BPTF: variants seen among roughly 807,000 people sequenced by gnomAD.
BPTF encodes nucleosome-remodeling factor subunit BPTF.
A neutral mutation model predicts 292.5 loss-of-function variants in BPTF; 18 were observed. That is an observed-to-expected ratio of 0.06 (90% CI 0.04 to 0.09). The LOEUF is 0.09. Among genes scored for constraint, BPTF ranks in the 10% least tolerant of loss-of-function variants. The probability of loss-of-function intolerance (pLI) is 1.00; values close to 1 mark genes in which losing one functional copy is unlikely to be tolerated. For missense variants in BPTF, 2,726 were observed against 3,498.7 expected (o/e 0.78, Z 5.57); for synonymous variants, 1,225 against 1,251.9 (o/e 0.98, Z 0.45).
intron 3 of BPTF, among the ~76,000 whole-genome samples, chr17:67,872,971 C>T (rs903661655): frequency 4.6e-5 from 7 of 152,092 alleles, no homozygotes; most frequent in Admixed American, 1.3e-4. Context: ...CCTATAGTTC[C>T]ATCTACTCGG....
intron 2 of BPTF, among the ~76,000 whole-genome samples, chr17:67,862,768 A>T (rs1490566881): frequency 6.6e-6 from 1 of 152,074 alleles, no homozygotes; most frequent in East Asian, 1.9e-4. Context: ...CAAAGGTGTC[A>T]GCAGGGCCAT....
In BPTF at chr17:67,982,368, T is replaced by C; in HGVS notation, c.*80T>C. 7.4e-7 allele frequency: 1 copy of C among 1,350,236 alleles called. No homozygotes were observed. The allele number at this position is 1,350,236 out of a possible 1,614,324, so 83.6% of individuals were successfully genotyped here. A position where few individuals can be genotyped will look rare whatever the true frequency, so the allele number is the denominator to read the frequency against. On this transcript the variant is annotated 3_prime_UTR_variant, in exon 28 of 28. Transcript: ENST00000306378. ...ATTTTAAATTAAGGAGCCAGATGTT[T>C]TTAGTCAGGCTATCCTGACAAGACT...
chr17:67,839,679 T>C (rs755088532), intron 1 of BPTF, among the ~76,000 whole-genome samples: 6 of 152,236 alleles, frequency 3.9e-5, no homozygotes, highest in Non-Finnish European at 8.8e-5. Flanking sequence ...TGTATCACAG[T>C]GCATTTATCC....
intron 24 of BPTF, among the ~76,000 whole-genome samples, chr17:67,961,325 A>G (rs566788723): frequency 7.6e-4 from 116 of 152,258 alleles, no homozygotes; most frequent in African/African-American, 2.7e-3. Context: ...TACCAGGTTC[A>G]TTCACTCCCT....
In BPTF at chr17:67,854,666, C is replaced by T. The variant is rs778226418; in HGVS notation, c.1340C>T (p.Ala447Val). The change falls in exon 2 of 28, where the codon GCT becomes GTT. Residue 447 changes from alanine to valine, a missense_variant. Physicochemically the swap from Ala to Val is moderately conservative, Grantham distance 64. Coordinates refer to ENST00000306378, the MANE Select transcript of BPTF (RefSeq NM_182641.4). This position sits in a 1 kb window ranked among gnomAD's most constrained non-coding sequence, Gnocchi z 5.6. ...HKVPGVTDCV[A>V]EIQKNKPYIR... Reference sequence around the variant, plus strand: ...GTGCCTGGTGTGACTGACTGTGTTGCTGAAATCCAAAAAAATAAACCATAT... The same window carrying T: ...GTGCCTGGTGTGACTGACTGTGTTGTTGAAATCCAAAAAAATAAACCATAT... 1 of 1,613,964 alleles carries T rather than the reference C, an allele frequency of 6.2e-7. No individual in the cohort carries two copies. Among genetic ancestry groups the T allele is most frequent in the Non-Finnish European group, 8.5e-7 (1 of 1,180,038 alleles).
intron 7 of BPTF, among the ~76,000 whole-genome samples, chr17:67,899,453 A>G (rs1212511326): frequency 2.0e-5 from 3 of 151,992 alleles, no homozygotes; most frequent in East Asian, 1.9e-4. Flanking sequence ...AGACAAGTTT[A>G]TATTTTCCTG....
At chr17:67,940,766 G>A in intron 19 of BPTF, 110 bp downstream of exon 19, 1 of 1,234,328 alleles carries the variant, frequency 8.1e-7, no homozygotes, top group Non-Finnish European at 1.1e-6. Flanking sequence ...CTGATTTGAA[G>A]AAATGGTTGC....
chr17:67,935,409 CAG>C (rs2064831206), intron 18 of BPTF, among the ~76,000 whole-genome samples: 1 of 151,644 alleles, frequency 6.6e-6, no homozygotes, highest in South Asian at 2.1e-4. Flanking sequence ...GCCTGGGTGA[CAG>C]AGTGAAACCC....
At chr17:67,939,347 C>T (rs959205954) in intron 18 of BPTF, among the ~76,000 whole-genome samples, 3 of 152,000 alleles carry the variant, frequency 2.0e-5, no homozygotes, top group Non-Finnish European at 2.9e-5. Context: ...AAAAAGGCAG[C>T]GAGTAAATAT....
intron 2 of BPTF, among the ~76,000 whole-genome samples, chr17:67,862,357 G>C (rs1048107208): frequency 1.3e-5 from 2 of 152,196 alleles, no homozygotes; most frequent in African/African-American, 4.8e-5. Context: ...TACCCATGAA[G>C]TGCTGGTACT....
At chr17:67,831,914 CAG>C (rs2056716551) in intron 1 of BPTF, among the ~76,000 whole-genome samples, 1 of 152,080 alleles carries the variant, frequency 6.6e-6, no homozygotes, top group Admixed American at 6.6e-5. Flanking sequence ...ATTTATGAGA[CAG>C]AGTCTCACTC....
intron 1 of BPTF, among the ~76,000 whole-genome samples, chr17:67,828,591 C>T (rs1189379746): frequency 1.3e-5 from 2 of 152,144 alleles, no homozygotes; most frequent in African/African-American, 4.8e-5. Flanking sequence ...TGCAATGGCA[C>T]AATCTTGGCT....
At chr17:67,856,344 T>C (rs184081923) in intron 2 of BPTF, among the ~76,000 whole-genome samples, 376 of 149,190 alleles carry the variant, frequency 2.5e-3, no homozygotes, top group Non-Finnish European at 3.2e-3. Flanking sequence ...TTTCTGTGTC[T>C]TGGATATAGT....
At chr17:67,950,713 G>T (rs1339335247) in intron 23 of BPTF, among the ~76,000 whole-genome samples, 2 of 151,598 alleles carry the variant, frequency 1.3e-5, no homozygotes, top group African/African-American at 4.8e-5. Flanking sequence ...GGTGGTGGGT[G>T]CCTGTAGTCC....
chr17:67,875,746 T>C (rs1242335530), intron 4 of BPTF: 1 of 1,568,572 alleles, frequency 6.4e-7, no homozygotes, highest in Non-Finnish European at 8.6e-7. Context: ...ATGTGCCAGG[T>C]ACAGAGGGCA....
chr17:67,959,362 A>G lies in BPTF; in HGVS notation c.7927-179A>G, dbSNP rs114854891. The stretch of plus-strand genomic sequence containing the variant: ...CTTACCTAGTCTTCATTTTGTTTCT[A>G]GTTGTCTTAGTTGGGTTTAAGATAT... On this transcript the variant is annotated intron_variant, in intron 23 of 27. Coordinates refer to ENST00000306378, the MANE Select transcript of BPTF (RefSeq NM_182641.4). 7.5e-3 allele frequency among the ~76,000 whole-genome samples: 1,138 copies of G among 152,262 alleles called. 16 individuals are homozygous for G. Among genetic ancestry groups the G allele is most frequent in the African/African-American group, 0.022 (921 of 41,536 alleles).
At chr17:67,861,202 G>A (rs1403792361) in intron 2 of BPTF, among the ~76,000 whole-genome samples, 1 of 152,130 alleles carries the variant, frequency 6.6e-6, no homozygotes, top group Admixed American at 6.5e-5. Context: ...TGTTTGCTAT[G>A]CCTTTAAAAT....
chr17:67,972,031 A>T (rs1410373481), intron 26 of BPTF, among the ~76,000 whole-genome samples: 1 of 152,138 alleles, frequency 6.6e-6, no homozygotes, highest in Non-Finnish European at 1.5e-5. Flanking sequence ...CAGATGTTAC[A>T]GAGATGTAAA....
chr17:67,950,400 GTTA>G (rs1269005022), intron 23 of BPTF, among the ~76,000 whole-genome samples: 6 of 152,052 alleles, frequency 3.9e-5, no homozygotes, highest in African/African-American at 1.4e-4. Context: ...AACAATCAAC[GTTA>G]TTATTTAGCA....
Sources: allele counts gnomAD v4.1 joint callset (sites outside exome capture counted in the v4.1 genomes callset), GRCh38; gene constraint gnomAD v4.1.1; non-coding constraint Gnocchi (gnomAD v3.1); transcripts MANE v1.5; gene names NCBI Gene and HGNC (gene_info 2026-07-23, HGNC 2026-07-21).